ENTPD5: variants seen among roughly 807,000 people sequenced by gnomAD.
The protein encoded by ENTPD5 is nucleoside diphosphate phosphatase ENTPD5.
Under a neutral mutation model 60.2 loss-of-function variants are expected in ENTPD5, and 49 were observed. The observed-to-expected ratio is 0.81, with a 90% CI of 0.65 to 1.03. The LOEUF is 1.03. Among genes scored for constraint, ENTPD5 ranks in the 50% least tolerant of loss-of-function variants. ENTPD5 has a pLI of 0.00. For synonymous variants in ENTPD5, 187 were observed against 185.4 expected, an observed-to-expected ratio of 1.01 and a Z score of -0.07; for missense variants, 480 against 507.6, an observed-to-expected ratio of 0.95 and a Z score of 0.52.
intron 3 of ENTPD5, among the ~76,000 whole-genome samples, chr14:73,991,307 G>T (rs890564957): frequency 6.6e-6 from 1 of 152,064 alleles, no homozygotes; most frequent in African/African-American, 2.4e-5. Context: ...ACATTTAGGG[G>T]CCAGGAGCAG....
intron 6 of ENTPD5, among the ~76,000 whole-genome samples, chr14:73,981,103 A>AAAATAAATAAAT (rs542711298): frequency 6.6e-6 from 1 of 151,990 alleles, no homozygotes; most frequent in African/African-American, 2.4e-5. Flanking sequence ...CGCCTCTCAA[A>AAAATAAATAAAT]AAATAAATAA....
intron 4 of ENTPD5, 81 bp from the exon 5 acceptor site, chr14:73,986,974 G>T (rs1041333902): frequency 1.4e-5 from 15 of 1,065,930 alleles, no homozygotes; most frequent in Non-Finnish European, 1.9e-5. Flanking sequence ...CTCTGTCTCT[G>T]TAAGTTTTCC....
chr14:73,993,179 G>C (rs1486761494), intron 3 of ENTPD5, among the ~76,000 whole-genome samples: 1 of 151,984 alleles, frequency 6.6e-6, no homozygotes, highest in East Asian at 1.9e-4. Context: ...TCTACCAAAA[G>C]TACAAAAATT....
At chr14:73,967,357 A>G (rs1399254567) in intron 15 of ENTPD5, among the ~76,000 whole-genome samples, 1 of 152,210 alleles carries the variant, frequency 6.6e-6, no homozygotes, top group East Asian at 1.9e-4. Flanking sequence ...TTATTTTCTG[A>G]TTCACTAATT....
rs572402357 is a variant in ENTPD5 at position 73,980,238 on chromosome 14, C to T, written c.441+2780G>A. On this transcript the variant is annotated intron_variant, in intron 6 of 15. Transcript: ENST00000334696. ...TTGGGATTACAGGCATGAGCCACCG[C>T]GCCTGGCCTACTATGATTTTCAGTT... is the stretch of plus-strand genomic sequence containing the variant. Among the ~76,000 whole-genome samples the T allele has an allele frequency of 4.0e-5, 6 of 150,278 alleles. No individual in the cohort carries two copies. The East Asian group carries it at 9.8e-4, about 25-fold the overall frequency.
At chr14:74,003,410 G>C in intron 3 of ENTPD5, 1 of 857,594 alleles carries the variant, frequency 1.2e-6, no homozygotes, top group African/African-American at 1.7e-5. Context: ...GAGCTAAGTG[G>C]AGGAAAAAGC....
At chr14:74,015,080 CAAAA>C (rs57058415) in intron 2 of ENTPD5, among the ~76,000 whole-genome samples, 1 of 125,760 alleles carries the variant, frequency 8.0e-6, no homozygotes. Flanking sequence ...GACTACCTCT[CAAAA>C]AAAAAAAAAA....
chr14:73,961,269 C>T (rs2056716200), downstream of ENTPD5: 1 of 1,614,048 alleles, frequency 6.2e-7, no homozygotes, highest in African/African-American at 1.3e-5. Flanking sequence ...CTCGGCTCGC[C>T]AGCTGCCCCC....
intron 15 of ENTPD5, among the ~76,000 whole-genome samples, chr14:73,969,221 C>T (rs1386529777): frequency 6.6e-6 from 1 of 152,214 alleles, no homozygotes; most frequent in Non-Finnish European, 1.5e-5. Context: ...CGAACTTCAG[C>T]TCTAGTATGT....
chr14:73,960,446 A>G (rs2056663466), downstream of ENTPD5: 2 of 989,300 alleles, frequency 2.0e-6, no homozygotes, highest in African/African-American at 3.5e-5. Context: ...CCTTCACACC[A>G]AAGACTCCAC....
chr14:73,970,975 C>A (rs992535267), intron 14 of ENTPD5, among the ~76,000 whole-genome samples: 5 of 151,792 alleles, frequency 3.3e-5, no homozygotes, highest in African/African-American at 1.2e-4. Flanking sequence ...ACAGGTCGAA[C>A]CACTGTGCCT....
chr14:73,958,629 A>C, downstream of ENTPD5: 3 of 1,289,446 alleles, frequency 2.3e-6, no homozygotes, highest in Non-Finnish European at 3.0e-6. Context: ...CCCTTTTTGC[A>C]TGGTAGCCAT....
At chr14:73,961,711 G>T (rs376372879), downstream of ENTPD5, 125 of 1,613,714 alleles carry the variant, frequency 7.7e-5, no homozygotes, top group Non-Finnish European at 1.0e-4. Context: ...TTGGATTAGG[G>T]ATTTAATCTT....
chr14:73,973,100 G>T, intron 12 of ENTPD5, 76 bp from the exon 13 acceptor site: 1 of 1,550,380 alleles, frequency 6.5e-7, no homozygotes, highest in South Asian at 1.2e-5. Flanking sequence ...GCAGGCTGCT[G>T]GAGACAATGA....
At chr14:73,959,838 G>A, downstream of ENTPD5, 1 of 1,305,714 alleles carries the variant, frequency 7.7e-7, no homozygotes, top group Non-Finnish European at 9.8e-7. Context: ...CCAAAGTGCT[G>A]GGATTACAGG....
At position 73,993,891 on chromosome 14, in the gene ENTPD5, AC is replaced by A. The variant is rs536533844; in HGVS notation, c.-70-5720del. On this transcript the variant is annotated intron_variant, in intron 3 of 15. Coordinates refer to ENST00000334696, the MANE Select transcript of ENTPD5 (RefSeq NM_001249.5). The stretch of plus-strand genomic sequence containing the variant: ...CCAGAGATTTCAAAGGTGAAAAAAA[AC>A]ATCCTAGGTATCTGTTTTCACGAAA... 1.5e-3 allele frequency among the ~76,000 whole-genome samples: 224 copies of A among 150,832 alleles called. 1 individual carries two copies. Among genetic ancestry groups the A allele is most frequent in the African/African-American group, 4.6e-3 (190 of 40,970 alleles).
chr14:73,958,447 A>G, downstream of ENTPD5: 1 of 1,482,544 alleles, frequency 6.7e-7, no homozygotes, highest in South Asian at 1.2e-5. Flanking sequence ...CTCATCGTAA[A>G]TCCTGTACAG....
chr14:73,975,701 A>G (rs879244663), intron 10 of ENTPD5, among the ~76,000 whole-genome samples: 1 of 152,118 alleles, frequency 6.6e-6, no homozygotes, highest in African/African-American at 2.4e-5. Flanking sequence ...CACTGCACCC[A>G]GCCGAAAACT....
At chr14:73,992,819 A>G (rs1456325239) in intron 3 of ENTPD5, among the ~76,000 whole-genome samples, 2 of 152,056 alleles carry the variant, frequency 1.3e-5, no homozygotes, top group African/African-American at 4.8e-5. Flanking sequence ...CCTGGGTAAC[A>G]AGGCGAAACC....
Sources: allele counts gnomAD v4.1 joint callset (sites outside exome capture counted in the v4.1 genomes callset), GRCh38; gene constraint gnomAD v4.1.1; transcripts MANE v1.5; gene names NCBI Gene and HGNC (gene_info 2026-07-23, HGNC 2026-07-21).